Variants in OPCML observed in about 807,000 individuals in gnomAD.
OPCML encodes the protein opioid binding protein/cell adhesion molecule like.
OPCML carries 13 observed loss-of-function variants against 37.8 expected under a neutral mutation model. The ratio of observed to expected loss-of-function variants is 0.34; its 90% CI spans 0.22 to 0.55. The LOEUF (loss-of-function observed/expected upper bound fraction) is 0.55, where lower values mean the gene tolerates loss of function less well. Ranked by LOEUF, OPCML falls within the 20% of genes least tolerant of loss-of-function variation. The pLI, the probability that OPCML is intolerant of heterozygous loss-of-function variation, is 0.91. For missense variants in OPCML, 341 were observed against 435.6 expected (o/e 0.78, Z 1.93); for synonymous variants, 176 against 168.8 (o/e 1.04, Z -0.33).
chr11:132,882,866 A>T (rs940073820), intron 2 of OPCML, among the ~76,000 whole-genome samples: 1 of 152,222 alleles, frequency 6.6e-6, no homozygotes, highest in Non-Finnish European at 1.5e-5. Flanking sequence ...TTGGAAGAGT[A>T]AAAAACTCTG....
chr11:132,649,018 C>T (rs1007859315), intron 3 of OPCML, among the ~76,000 whole-genome samples: 4 of 152,152 alleles, frequency 2.6e-5, no homozygotes, highest in East Asian at 1.9e-4. Flanking sequence ...CCAGAGGCCA[C>T]GGAGGAAATA....
chr11:132,475,355 A>G (rs2096151721), intron 4 of OPCML, among the ~76,000 whole-genome samples: 1 of 152,242 alleles, frequency 6.6e-6, no homozygotes, highest in Non-Finnish European at 1.5e-5. Context: ...AGCTGCTTCA[A>G]GAAATTCATT....
In OPCML at chr11:132,616,369, T is replaced by C. The variant is rs572892137; in HGVS notation, c.379+40718A>G. Among the ~76,000 whole-genome samples the C allele has an allele frequency of 4.6e-5, 7 of 152,318 alleles. No homozygotes were observed. The South Asian group carries it at 1.4e-3, about 32-fold the overall frequency. ...CAAAGTTAGTTTGGTTCACCTCCAG[T>C]AATGATAAAGGACATCTTGGATGTT... On this transcript the variant is annotated intron_variant, in intron 3 of 7. Transcript: ENST00000524381.
chr11:133,002,029 G>C (rs1821999490), intron 1 of OPCML, among the ~76,000 whole-genome samples: 1 of 152,138 alleles, frequency 6.6e-6, no homozygotes, highest in Admixed American at 6.5e-5. Context: ...AAACACAAGT[G>C]GTTTGAAAGT....
intron 1 of OPCML, among the ~76,000 whole-genome samples, chr11:133,120,262 A>C (rs757872705): frequency 2.6e-5 from 4 of 152,212 alleles, no homozygotes; most frequent in Non-Finnish European, 5.9e-5. Flanking sequence ...ACATTTACTG[A>C]GCAAAGCAGT....
chr11:132,988,107 C>A (rs559814716), intron 1 of OPCML, among the ~76,000 whole-genome samples: 2 of 152,124 alleles, frequency 1.3e-5, no homozygotes, highest in Non-Finnish European at 2.9e-5. Context: ...TGAAATAGTT[C>A]TCTTTTTTTT....
intron 1 of OPCML, among the ~76,000 whole-genome samples, chr11:133,222,824 G>A (rs116751205): frequency 0.01 from 1,556 of 152,154 alleles, 26 homozygotes; most frequent in African/African-American, 0.035. Context: ...GGGCCGAGCC[G>A]GGGACTAAGA....
intron 1 of OPCML, among the ~76,000 whole-genome samples, chr11:133,102,790 CA>C (rs562017556): frequency 3.3e-5 from 5 of 151,152 alleles, no homozygotes; most frequent in African/African-American, 7.3e-5. Context: ...ACAACAACAA[CA>C]AAAAAAACTA....
intron 1 of OPCML, among the ~76,000 whole-genome samples, chr11:133,108,631 G>A (rs187299360): frequency 2.1e-4 from 32 of 151,950 alleles, no homozygotes; most frequent in African/African-American, 7.7e-4. Context: ...ATTCCATTCT[G>A]AGCCTACACT....
At chr11:133,158,573 G>A (rs752449382) in intron 1 of OPCML, among the ~76,000 whole-genome samples, 14 of 151,678 alleles carry the variant, frequency 9.2e-5, no homozygotes, top group Admixed American at 3.3e-4. Context: ...GGTGGCGGGC[G>A]CCTGTAGTCC....
rs570396404 is a variant in OPCML, at chr11:132,833,340, C to A, written c.146+109586G>T. ...ACATTAGCCGAGGCCTGCACAGGGT[C>A]AGGATGATCACTATCACTGTCCTTC... On this transcript the variant is annotated intron_variant, in intron 2 of 7. Coordinates refer to ENST00000524381, the MANE Select transcript of OPCML (RefSeq NM_001012393.5). Among the ~76,000 whole-genome samples the A allele has an allele frequency of 5.9e-5, 9 of 152,234 alleles. No homozygotes were observed. The East Asian group carries it at 1.7e-3, about 29-fold the overall frequency.
At chr11:132,515,549 A>C (rs2096277809) in intron 4 of OPCML, among the ~76,000 whole-genome samples, 2 of 152,206 alleles carry the variant, frequency 1.3e-5, no homozygotes, top group South Asian at 4.1e-4. Context: ...CTTTTACTTC[A>C]TGAGATCACC....
intron 1 of OPCML, among the ~76,000 whole-genome samples, chr11:132,978,644 C>T (rs1385847535): frequency 6.6e-6 from 1 of 152,114 alleles, no homozygotes; most frequent in Admixed American, 6.5e-5. Flanking sequence ...AGGAAATATC[C>T]AGGGTGAGGG....
intron 2 of OPCML, among the ~76,000 whole-genome samples, chr11:132,742,477 C>G (rs530609901): frequency 2.6e-5 from 4 of 152,232 alleles, no homozygotes; most frequent in Admixed American, 2.6e-4. Context: ...TCACCAGACA[C>G]CAGATCTGCT....
chr11:132,445,996 T>C (rs1462802813), intron 4 of OPCML, among the ~76,000 whole-genome samples: 2 of 151,502 alleles, frequency 1.3e-5, no homozygotes, highest in Non-Finnish European at 2.9e-5. Context: ...GCCAGGTCAG[T>C]CTCCAGCAGC....
intron 4 of OPCML, among the ~76,000 whole-genome samples, chr11:132,509,053 A>G (rs987246722): frequency 6.6e-6 from 1 of 152,184 alleles, no homozygotes; most frequent in South Asian, 2.1e-4. Flanking sequence ...GATATGAATA[A>G]TAAGGTCCAG....
At chr11:132,529,006 G>C (rs2096316262) in intron 4 of OPCML, 55 bp downstream of exon 4, 1 of 1,096,826 alleles carries the variant, frequency 9.1e-7, no homozygotes. Context: ...TTGTGCATAA[G>C]AGCCAAGACT....
intron 2 of OPCML, among the ~76,000 whole-genome samples, chr11:132,685,292 A>G (rs547194793): frequency 6.6e-6 from 1 of 152,336 alleles, no homozygotes; most frequent in African/African-American, 2.4e-5. Context: ...TTCAGAATAC[A>G]TATGACATTT....
chr11:132,428,387 G>A (rs190235473), intron 7 of OPCML, among the ~76,000 whole-genome samples: 15 of 152,316 alleles, frequency 9.8e-5, no homozygotes, highest in Non-Finnish European at 2.1e-4. Context: ...ACTGGGCAAC[G>A]CTCACTGGAA....
Sources: gnomAD v4.1 joint callset for allele counts (sites outside exome capture counted in the v4.1 genomes callset) on GRCh38, gnomAD v4.1.1 for gene constraint, MANE v1.5 for transcripts, NCBI Gene and HGNC (gene_info 2026-07-23, HGNC 2026-07-21) for gene names.